The following INTS14 variants were observed in gnomAD, a reference collection of about 807,000 sequenced individuals.
The protein encoded by INTS14 is integrator complex subunit 14.
A neutral mutation model predicts 56.9 loss-of-function variants in INTS14; 27 were observed. The observed-to-expected ratio is 0.47, with a 90% CI of 0.35 to 0.65. The LOEUF is 0.65. Ranked by LOEUF, INTS14 falls within the 30% of genes least tolerant of loss-of-function variation. The pLI is 0.00. For missense variants in INTS14, 517 were observed against 632.2 expected, an observed-to-expected ratio of 0.82 and a Z score of 1.95; for synonymous variants, 207 against 236.2, an observed-to-expected ratio of 0.88 and a Z score of 1.13.
intron 3 of INTS14, 123 bp downstream of exon 3, chr15:65,605,006 C>G (rs2073592736): frequency 1.4e-6 from 1 of 731,468 alleles, no homozygotes; most frequent in Non-Finnish European, 2.4e-6. Flanking sequence ...AAGAAGATAC[C>G]AATAGTGTAA....
chr15:65,606,272 A>AAAAAAAAAC (rs2073646044), intron 2 of INTS14, among the ~76,000 whole-genome samples: 1 of 151,460 alleles, frequency 6.6e-6, no homozygotes, highest in Admixed American at 6.6e-5. Flanking sequence ...AAAAAAAAAA[A>AAAAAAAAAC]TCTGAGATAA....
At chr15:65,586,480 A>G (rs1445888802) in intron 9 of INTS14, 1 of 152,182 alleles carries the variant, frequency 6.6e-6, no homozygotes, top group Non-Finnish European at 1.5e-5. Context: ...AATTGTTTCA[A>G]GTTTTTCTGG....
rs79725044 is a variant in INTS14 at position 65,585,669 on chromosome 15, G to A, written c.1121-781C>T. On this transcript the variant is annotated intron_variant, in intron 9 of 11. Transcript: ENST00000313182. ...ATAAAGCACACATACTTCTAATGGT[G>A]TATTTGATCTTTATTATTATTACCA... Among the ~76,000 whole-genome samples the A allele has an allele frequency of 6.8e-3, 1,029 of 152,252 alleles. 25 individuals are homozygous for A. The highest frequency in any genetic ancestry group is 0.066 in the East Asian group (342 of 5,182).
At chr15:65,579,713 C>T (rs1455908129) in intron 11 of INTS14, 54 bp from the exon 12 acceptor site, 3 of 1,571,936 alleles carry the variant, frequency 1.9e-6, no homozygotes, top group Admixed American at 1.7e-5. Context: ...CTAACACATA[C>T]TTTCTAAGTG....
At chr15:65,594,698 G>A (rs915167512) in intron 7 of INTS14, among the ~76,000 whole-genome samples, 3 of 151,586 alleles carry the variant, frequency 2.0e-5, no homozygotes, top group Non-Finnish European at 2.9e-5. Flanking sequence ...TACCGCGCCC[G>A]GCCACCTTCC....
At chr15:65,610,553 T>C (rs2073877032) in intron 1 of INTS14, 1 of 1,035,396 alleles carries the variant, frequency 9.7e-7, no homozygotes, top group African/African-American at 1.6e-5. Flanking sequence ...TATTTGGCCT[T>C]GAATACCAAG....
intron 2 of INTS14, among the ~76,000 whole-genome samples, 160 bp from the exon 3 acceptor site, chr15:65,605,396 T>G (rs1247598408): frequency 6.6e-6 from 1 of 152,194 alleles, no homozygotes; most frequent in Non-Finnish European, 1.5e-5. Context: ...AGAACAGACT[T>G]CTTCAACTAT....
chr15:65,590,866 G>A (rs2073000438), intron 9 of INTS14, among the ~76,000 whole-genome samples: 1 of 152,176 alleles, frequency 6.6e-6, no homozygotes, highest in Non-Finnish European at 1.5e-5. Context: ...TGGCACAAAT[G>A]ACTTAATCAA....
Position 65,579,360 on chromosome 15 carries a change from G to T in INTS14, c.*48C>A, listed in dbSNP as rs11484. On this transcript the variant is annotated 3_prime_UTR_variant, in exon 12 of 12. Transcript: ENST00000313182. ...CATACTGGAAAGGTTTTTACCTAAA[G>T]CATTTTCAGTTGAAATGAAAAAAGA... The T allele has an allele frequency of 0.069, 110,270 of 1,588,736 alleles. 6,047 individuals carry two copies. The highest frequency in any genetic ancestry group is 0.29 in the African/African-American group (21,641 of 74,346).
At chr15:65,593,663 G>C in intron 7 of INTS14, 91 bp from the exon 8 acceptor site, 1 of 1,460,696 alleles carries the variant, frequency 6.8e-7, no homozygotes, top group Non-Finnish European at 9.2e-7. Context: ...TAGCCTTTAA[G>C]GGATAGTGTA....
At chr15:65,582,513 T>G (rs979705778) in intron 10 of INTS14, among the ~76,000 whole-genome samples, 7 of 152,090 alleles carry the variant, frequency 4.6e-5, no homozygotes, top group Non-Finnish European at 8.8e-5. Flanking sequence ...TAATCCTAGC[T>G]ACTCAGGAGG....
chr15:65,598,095 T>A (rs908394836), intron 6 of INTS14, among the ~76,000 whole-genome samples: 2 of 152,284 alleles, frequency 1.3e-5, no homozygotes, highest in African/African-American at 4.8e-5. Context: ...GATTTTCAGA[T>A]TAAGGATGCT....
chr15:65,587,144 T>C (rs1596239220), intron 9 of INTS14, among the ~76,000 whole-genome samples: 4 of 152,142 alleles, frequency 2.6e-5, no homozygotes, highest in Admixed American at 2.6e-4. Flanking sequence ...TCATTAAATA[T>C]AAAGAATGAA....
At chr15:65,601,040 C>T (rs1040420432) in intron 3 of INTS14, among the ~76,000 whole-genome samples, 6 of 152,102 alleles carry the variant, frequency 3.9e-5, no homozygotes, top group Admixed American at 1.3e-4. Context: ...CTGAACTTTG[C>T]CACTTTATTT....
intron 7 of INTS14, 121 bp from the exon 8 acceptor site, chr15:65,593,693 T>C (rs551914987): frequency 2.1e-5 from 25 of 1,186,392 alleles, no homozygotes; most frequent in Non-Finnish European, 4.4e-6. Context: ...GGGAATATTA[T>C]AACAAGCAGG....
At chr15:65,588,590 C>A (rs552306487) in intron 9 of INTS14, among the ~76,000 whole-genome samples, 8 of 151,570 alleles carry the variant, frequency 5.3e-5, no homozygotes, top group African/African-American at 1.9e-4. Flanking sequence ...ATTGCTTGAA[C>A]CTGGGAGGTG....
At chr15:65,581,510 G>A (rs1217957656) in intron 11 of INTS14, among the ~76,000 whole-genome samples, 1 of 115,044 alleles carries the variant, frequency 8.7e-6, no homozygotes, top group African/African-American at 3.4e-5. Flanking sequence ...ATTGCACCAC[G>A]ACACTCCAGC....
intron 1 of INTS14, among the ~76,000 whole-genome samples, chr15:65,608,030 G>A (rs188245112): frequency 7.2e-5 from 11 of 152,310 alleles, no homozygotes; most frequent in South Asian, 2.1e-4. Context: ...AGTATTCATT[G>A]TACATAAACT....
At chr15:65,600,597 G>C (rs1234251384) in intron 3 of INTS14, among the ~76,000 whole-genome samples, 1 of 151,898 alleles carries the variant, frequency 6.6e-6, no homozygotes, top group Admixed American at 6.6e-5. Flanking sequence ...AGTCCAGCCT[G>C]GGTAACAAAG....
Sources: gnomAD v4.1 joint callset for allele counts (sites outside exome capture counted in the v4.1 genomes callset) on GRCh38, gnomAD v4.1.1 for gene constraint, MANE v1.5 for transcripts, NCBI Gene and HGNC (gene_info 2026-07-23, HGNC 2026-07-21) for gene names.